Variants in MEF2C observed in about 807,000 individuals in gnomAD.
The protein encoded by MEF2C is myocyte enhancer factor 2C, also known as myocyte-specific enhancer factor 2C.
Under a neutral mutation model 50.5 loss-of-function variants are expected in MEF2C, and 6 were observed. That is an observed-to-expected ratio of 0.12 (90% confidence interval 0.07 to 0.23). The LOEUF (loss-of-function observed/expected upper bound fraction) is 0.23, where lower values mean the gene tolerates loss of function less well. Among genes scored for constraint, MEF2C ranks in the 10% least tolerant of loss-of-function variants. The probability of loss-of-function intolerance (pLI) is 1.00; values close to 1 mark genes in which losing one functional copy is unlikely to be tolerated. For missense variants in MEF2C, 276 were observed against 605.0 expected (o/e 0.46, Z 5.70); for synonymous variants, 183 against 228.0 (o/e 0.80, Z 1.78).
At chr5:88,855,244 T>C (rs929944499) in intron 1 of MEF2C, among the ~76,000 whole-genome samples, 1 of 152,216 alleles carries the variant, frequency 6.6e-6, no homozygotes, top group South Asian at 2.1e-4. Context: ...TTTAAATATA[T>C]ATCCATATTC....
At chr5:88,744,783 T>C (rs895895022) in intron 6 of MEF2C, among the ~76,000 whole-genome samples, 9 of 152,216 alleles carry the variant, frequency 5.9e-5, no homozygotes, top group Non-Finnish European at 8.8e-5. Context: ...TCTTCATCTT[T>C]GAAAGTATTT....
At chr5:88,796,529 TTTTTTA>T (rs1233788435) in intron 3 of MEF2C, among the ~76,000 whole-genome samples, 1 of 152,186 alleles carries the variant, frequency 6.6e-6, no homozygotes, top group Non-Finnish European at 1.5e-5. Flanking sequence ...CTCTCTCTTC[TTTTTTA>T]TTAAGTCTGG....
chr5:88,835,914 G>T (rs1381089283), intron 1 of MEF2C, among the ~76,000 whole-genome samples: 5 of 151,696 alleles, frequency 3.3e-5, no homozygotes, highest in African/African-American at 1.2e-4. Context: ...AAACAGAAAT[G>T]CCTAATGACA....
At chr5:88,781,007 A>T in intron 3 of MEF2C, 1 of 893,160 alleles carries the variant, frequency 1.1e-6, no homozygotes, top group Non-Finnish European at 1.3e-6. Context: ...TCTATTTGGC[A>T]GAGTTCCACT....
chr5:88,852,148 G>GTA (rs1218684981), intron 1 of MEF2C, among the ~76,000 whole-genome samples: 1 of 152,130 alleles, frequency 6.6e-6, no homozygotes, highest in Non-Finnish European at 1.5e-5. Flanking sequence ...AGAACTGTAT[G>GTA]TTGAACTGTA....
intron 1 of MEF2C, among the ~76,000 whole-genome samples, chr5:88,857,604 G>C (rs1393550748): frequency 3.9e-5 from 6 of 152,142 alleles, no homozygotes; most frequent in Admixed American, 6.5e-5. Context: ...AGACCAAGTG[G>C]AGATAATTAA....
chr5:88,888,809 T>C (rs771079212), intron 1 of MEF2C: 1 of 152,102 alleles, frequency 6.6e-6, no homozygotes, highest in African/African-American at 2.4e-5. Flanking sequence ...GCTTGATCAG[T>C]AATTTGCTTG....
chr5:88,874,935 T>C (rs1830620252), intron 1 of MEF2C, among the ~76,000 whole-genome samples: 1 of 151,926 alleles, frequency 6.6e-6, no homozygotes, highest in Non-Finnish European at 1.5e-5. Context: ...GAAGGCTAGT[T>C]TTAGAAAGGT....
At chr5:88,898,426 T>C (rs950101924) in intron 1 of MEF2C, among the ~76,000 whole-genome samples, 2 of 152,142 alleles carry the variant, frequency 1.3e-5, no homozygotes, top group African/African-American at 4.8e-5. Context: ...ACCTCTACCA[T>C]TGGTGATAAG....
chr5:88,752,055 G>GAAAAC lies in MEF2C; in HGVS notation c.403-17_403-13dup. ...GGAGGTGGAACAGCCTGCAGGAACA[G>GAAAAC]AAAACAAAACAAAGGTAAAAGAAAA... On this transcript the variant is annotated splice_polypyrimidine_tract_variant and intron_variant, in intron 4 of 10. Coordinates refer to ENST00000504921, the MANE Select transcript of MEF2C (RefSeq NM_002397.5). 1 of 1,584,916 alleles carries GAAAAC rather than the reference G, an allele frequency of 6.3e-7. No individual in the cohort carries two copies. The highest frequency in any genetic ancestry group is 8.6e-7 in the Non-Finnish European group (1 of 1,164,580).
chr5:88,730,153 C>T (rs749942441), intron 8 of MEF2C, 58 bp downstream of exon 8: 15 of 1,539,604 alleles, frequency 9.7e-6, no homozygotes, highest in African/African-American at 1.4e-5. Flanking sequence ...AAAGCTACCA[C>T]CTCTACCTAA....
intron 2 of MEF2C, among the ~76,000 whole-genome samples, chr5:88,813,759 T>G (rs1164291738): frequency 3.9e-5 from 6 of 152,268 alleles, no homozygotes; most frequent in Admixed American, 6.5e-5. Flanking sequence ...GATAATTTTT[T>G]ATTTTTTTAT....
chr5:88,864,734 G>C (rs1214540957), intron 1 of MEF2C, among the ~76,000 whole-genome samples: 1 of 151,734 alleles, frequency 6.6e-6, no homozygotes, highest in Admixed American at 6.6e-5. Flanking sequence ...AGGACAACAG[G>C]CATATGCCAC....
intron 1 of MEF2C, among the ~76,000 whole-genome samples, chr5:88,870,066 T>C (rs1829039016): frequency 6.6e-6 from 1 of 151,776 alleles, no homozygotes; most frequent in South Asian, 2.1e-4. Flanking sequence ...TTGCTTTTAG[T>C]ATGAGGGAAG....
Position 88,721,982 on chromosome 5 carries a change from A to C in MEF2C, c.*622T>G, listed in dbSNP as rs967703097. 5.2e-5 allele frequency: 8 copies of C among 152,584 alleles called. No individual in the cohort carries two copies. Among genetic ancestry groups the C allele is most frequent in the African/African-American group, 1.9e-4 (8 of 41,436 alleles). The allele number at this position is 152,584 out of a possible 1,614,324, so 9.5% of individuals were successfully genotyped here. ...CAGACCCAGATTTATTTATTTATTT[A>C]ATTAAATATGTTAGCCCTCCAACTC... On this transcript the variant is annotated 3_prime_UTR_variant, in exon 11 of 11. Transcript: ENST00000504921.
Position 88,720,974 on chromosome 5 carries a change from A to C in MEF2C, c.*1630T>G, listed in dbSNP as rs1756148545. On this transcript the variant is annotated 3_prime_UTR_variant, in exon 11 of 11. Transcript: ENST00000504921. Reference sequence around the variant, plus strand: ...ATTGCTGACAAGATTGTCAAGGGTCAGTTAAAATAATTAAAAACGGATGAC... The same window carrying C: ...ATTGCTGACAAGATTGTCAAGGGTCCGTTAAAATAATTAAAAACGGATGAC... The C allele has an allele frequency of 6.6e-6, 1 of 152,610 alleles. No homozygotes were observed. The highest frequency in any genetic ancestry group is 2.4e-5 in the African/African-American group (1 of 41,450). The allele number at this position is 152,610 out of a possible 1,614,324, so 9.5% of individuals were successfully genotyped here. A position where few individuals can be genotyped will look rare whatever the true frequency, so the allele number is the denominator to read the frequency against.
At chr5:88,859,109 T>C (rs1824577696) in intron 1 of MEF2C, among the ~76,000 whole-genome samples, 1 of 152,252 alleles carries the variant, frequency 6.6e-6, no homozygotes, top group Admixed American at 6.5e-5. Flanking sequence ...ATATGGCTTC[T>C]TACTATTTTT....
intron 2 of MEF2C, among the ~76,000 whole-genome samples, chr5:88,821,283 T>C (rs1808224830): frequency 1.3e-5 from 2 of 152,118 alleles, no homozygotes; most frequent in South Asian, 4.1e-4. Context: ...TTTTGTTTTT[T>C]TGAGACAGGG....
At chr5:88,862,391 C>T (rs1052155954) in intron 1 of MEF2C, among the ~76,000 whole-genome samples, 31 of 152,128 alleles carry the variant, frequency 2.0e-4, no homozygotes, top group Non-Finnish European at 2.6e-4. Context: ...TCGTATTCTA[C>T]GTGTCTTATA....
Sources: allele counts gnomAD v4.1 joint callset (sites outside exome capture counted in the v4.1 genomes callset), GRCh38; gene constraint gnomAD v4.1.1; transcripts MANE v1.5; gene names NCBI Gene and HGNC (gene_info 2026-07-23, HGNC 2026-07-21).